Variants in ANGEL1 observed in about 807,000 individuals in gnomAD.
ANGEL1 encodes RNA 2',3'-cyclic phosphatase ANGEL1.
In ANGEL1, 62 loss-of-function variants were observed where a neutral mutation model predicts 76.4. That is an observed-to-expected ratio of 0.81 (90% CI 0.66 to 1.00). The LOEUF (loss-of-function observed/expected upper bound fraction) is 1.00, where lower values mean the gene tolerates loss of function less well. Among genes scored for constraint, ANGEL1 ranks in the 50% least tolerant of loss-of-function variants. ANGEL1 has a pLI of 0.00. For missense variants in ANGEL1, 737 were observed against 836.7 expected (o/e 0.88, Z 1.47); for synonymous variants, 340 against 331.7 (o/e 1.03, Z -0.27).
At chr14:76,802,755 CCCCACAGATA>C (rs1160168040) in intron 7 of ANGEL1, among the ~76,000 whole-genome samples, 3 of 152,142 alleles carry the variant, frequency 2.0e-5, no homozygotes, top group Non-Finnish European at 4.4e-5. Flanking sequence ...ATCCACATAT[CCCCACAGATA>C]AGTCTCTCTA....
chr14:76,807,846 C>T (rs983501029), intron 3 of ANGEL1, 76 bp downstream of exon 3: 2 of 1,496,894 alleles, frequency 1.3e-6, no homozygotes, highest in Admixed American at 1.7e-5. Flanking sequence ...ATGGGTTGAA[C>T]TCATCTTCTA....
rs1415125813 is a variant in ANGEL1, at chr14:76,788,102, G to C, written c.*1126C>G. 6.6e-6 allele frequency: 1 copy of C among 152,288 alleles called. No homozygotes were observed. The highest frequency in any genetic ancestry group is 1.5e-5 in the Non-Finnish European group (1 of 68,076). The allele number at this position is 152,288 out of a possible 1,614,324, so 9.4% of individuals were successfully genotyped here. On this transcript the variant is annotated 3_prime_UTR_variant, in exon 10 of 10. Coordinates refer to ENST00000251089, the MANE Select transcript of ANGEL1 (RefSeq NM_015305.4). ...GGTTTTCTAGAAAGGAAATGGAAGG[G>C]AAGCGGGAGATGGGAGATAGCAGAA...
At chr14:76,804,159 A>G in intron 5 of ANGEL1, 1 of 1,428,598 alleles carries the variant, frequency 7.0e-7, no homozygotes, top group South Asian at 1.5e-5. Flanking sequence ...ATCAAGGGGA[A>G]TCGAATAGTA....
chr14:76,810,764 G>T (rs367916155), intron 1 of ANGEL1, among the ~76,000 whole-genome samples: 1 of 152,310 alleles, frequency 6.6e-6, no homozygotes, highest in African/African-American at 2.4e-5. Flanking sequence ...AGCCACCAAT[G>T]ACAGCCAACA....
At chr14:76,804,126 CAGG>C (rs1894846819) in intron 5 of ANGEL1, 1 of 1,444,780 alleles carries the variant, frequency 6.9e-7, no homozygotes, top group South Asian at 1.5e-5. Flanking sequence ...GTCCATGAAA[CAGG>C]AGGAGGGGTA....
At chr14:76,812,486 C>A in intron 1 of ANGEL1, 1 of 1,217,542 alleles carries the variant, frequency 8.2e-7, no homozygotes, top group South Asian at 3.8e-5. Flanking sequence ...AAGGGCCCTG[C>A]CCGTCCACAG....
chr14:76,811,240 G>A (rs1328049133), intron 1 of ANGEL1, among the ~76,000 whole-genome samples: 3 of 152,320 alleles, frequency 2.0e-5, no homozygotes, highest in South Asian at 4.1e-4. Context: ...TGCTGAGATT[G>A]AGAAACCCTG....
chr14:76,803,269 C>T (rs1467472236), intron 7 of ANGEL1, 102 bp downstream of exon 7: 2 of 924,802 alleles, frequency 2.2e-6, no homozygotes, highest in African/African-American at 3.3e-5. Flanking sequence ...AGAAGCTAAT[C>T]TCTAAGAATT....
chr14:76,797,416 TG>T (rs1233789971), intron 7 of ANGEL1, among the ~76,000 whole-genome samples: 2 of 152,096 alleles, frequency 1.3e-5, no homozygotes, highest in African/African-American at 2.4e-5. Flanking sequence ...CTGGCCAACA[TG>T]GTGAAACCCT....
rs375759642 is a variant in ANGEL1 at position 76,806,722 on chromosome 14, T to C, written c.1074A>G (p.Leu358=). 5.0e-6 allele frequency: 8 copies of C among 1,613,692 alleles called. No individual in the cohort carries two copies. The South Asian group carries it at 5.5e-5, about 11-fold the overall frequency. Reference sequence around the variant, plus strand: ...CTAAGCCCACATTATCCCGATTAAGTAGCTCCAAGCCAGGCCGGAAGTACT... The same window carrying C: ...CTAAGCCCACATTATCCCGATTAAGCAGCTCCAAGCCAGGCCGGAAGTACT... ...PVEYFRPGLE[L]LNRDNVGLVL... Residue 358 remains leucine (L), a synonymous_variant, in exon 5 of 10, where the codon CTA becomes CTG. Coordinates refer to ENST00000251089, the MANE Select transcript of ANGEL1 (RefSeq NM_015305.4).
At position 76,806,791 on chromosome 14, in the gene ANGEL1, GCAGA is replaced by G; in HGVS notation, c.1001_1004del (p.Val334AlafsTer32). On this transcript the variant is annotated frameshift_variant, in exon 5 of 10. Transcript: ENST00000251089. LOFTEE classifies it high-confidence loss of function. ...GCAGGCGGAATCTGGTAGGCTTGTA[GCAGA>G]CAGCACAGCCATCGGTTTTACACCC... 1 of 1,614,202 alleles carries G rather than the reference GCAGA, an allele frequency of 6.2e-7. No individual in the cohort carries two copies. Among genetic ancestry groups the G allele is most frequent in the Non-Finnish European group, 8.5e-7 (1 of 1,180,056 alleles).
chr14:76,790,785 G>A lies in ANGEL1; in HGVS notation c.1689-11C>T. On this transcript the variant is annotated splice_polypyrimidine_tract_variant and intron_variant, in intron 8 of 9. Transcript: ENST00000251089. ...ATGGTACCTACAGTCCTACAGGGAT[G>A]AAGGGGGAAACATTAGTTAACAAAA... 6.4e-7 allele frequency: 1 copy of A among 1,573,784 alleles called. No individual in the cohort carries two copies. Among genetic ancestry groups the A allele is most frequent in the Non-Finnish European group, 8.6e-7 (1 of 1,158,718 alleles).
At chr14:76,805,180 C>A (rs941713256) in intron 5 of ANGEL1, among the ~76,000 whole-genome samples, 11 of 152,280 alleles carry the variant, frequency 7.2e-5, no homozygotes, top group African/African-American at 2.6e-4. Context: ...AAAAACACCT[C>A]TGAGGCAGGT....
In ANGEL1 at chr14:76,812,874, T is replaced by G. The variant is rs1399273881; in HGVS notation, c.-47A>C. 6.8e-7 allele frequency: 1 copy of G among 1,472,246 alleles called. No homozygotes were observed. The highest frequency in any genetic ancestry group is 1.5e-5 in the African/African-American group (1 of 68,530). The allele number at this position is 1,472,246 out of a possible 1,614,324, so 91.2% of individuals were successfully genotyped here. On this transcript the variant is annotated 5_prime_UTR_variant, in exon 1 of 10. Coordinates refer to ENST00000251089, the MANE Select transcript of ANGEL1 (RefSeq NM_015305.4). ...TCCGCTCCTCACTGCAGCCAGCAGG[T>G]CCTCCCTCAGCTCGGCCCCGCCCCC...
rs1895026153 is a variant in ANGEL1 at position 76,809,608 on chromosome 14, C to T, written c.100G>A (p.Ala34Thr). The T allele has an allele frequency of 6.2e-7, 1 of 1,613,382 alleles. No homozygotes were observed. Residue 34 changes from alanine (A) to threonine (T), a missense_variant, in exon 2 of 10, where the codon GCG becomes ACG. This residue lies in a region of ANGEL1 where 441 missense variants were observed against 449.5 expected (regional missense o/e 0.98). Transcript: ENST00000251089. Reference sequence around the variant, plus strand: ...TCTACCTGGGGGGATGAGCTGTTCGCCAGAAGGACATTTTTTCGACATGTG... The same window carrying T: ...TCTACCTGGGGGGATGAGCTGTTCGTCAGAAGGACATTTTTTCGACATGTG... The part of the protein sequence containing the change: ...FFTCRKNVLL[A>T]NSSSPQVEGD...
At chr14:76,799,672 G>A (rs993800207) in intron 7 of ANGEL1, among the ~76,000 whole-genome samples, 5 of 152,136 alleles carry the variant, frequency 3.3e-5, no homozygotes, top group African/African-American at 7.2e-5. Flanking sequence ...TTGAGAGGTC[G>A]AGCCAGGAGG....
intron 1 of ANGEL1, among the ~76,000 whole-genome samples, chr14:76,811,980 C>T (rs1451543082): frequency 1.3e-5 from 2 of 152,180 alleles, no homozygotes; most frequent in Non-Finnish European, 2.9e-5. Context: ...TGGTCCTGTC[C>T]CATAAATTAA....
chr14:76,807,683 T>C (rs1894960500), intron 3 of ANGEL1, among the ~76,000 whole-genome samples, 181 bp from the exon 4 acceptor site: 1 of 152,208 alleles, frequency 6.6e-6, no homozygotes, highest in Non-Finnish European at 1.5e-5. Flanking sequence ...CACTGGATTT[T>C]CCTGCTCCTT....
intron 7 of ANGEL1, among the ~76,000 whole-genome samples, chr14:76,792,184 C>G (rs1388537592): frequency 6.6e-6 from 1 of 152,076 alleles, no homozygotes; most frequent in Non-Finnish European, 1.5e-5. Context: ...TAGAAAGACA[C>G]AAACTATGCA....
Sources: gnomAD v4.1 joint callset for allele counts (sites outside exome capture counted in the v4.1 genomes callset) on GRCh38, gnomAD v4.1.1 for gene constraint, gnomAD v4.1.1 regional missense constraint, MANE v1.5 for transcripts, NCBI Gene and HGNC (gene_info 2026-07-23, HGNC 2026-07-21) for gene names.